The following IMPG2 variants were observed in gnomAD, a reference collection of about 807,000 sequenced individuals.
The protein encoded by IMPG2 is interphotoreceptor matrix proteoglycan 2, also known as IPM 200.
Under a neutral mutation model 129.2 loss-of-function variants are expected in IMPG2, and 91 were observed. The observed-to-expected ratio is 0.70, with a 90% CI of 0.59 to 0.84. IMPG2 has a LOEUF of 0.84. Ranked by LOEUF, IMPG2 falls within the 40% of genes least tolerant of loss-of-function variation. The pLI is 0.00. For missense variants in IMPG2, 1,430 were observed against 1,461.7 expected, an observed-to-expected ratio of 0.98 and a Z score of 0.35; for synonymous variants, 510 against 517.7, an observed-to-expected ratio of 0.99 and a Z score of 0.20.
chr3:101,297,048 G>T (rs536279587), intron 3 of IMPG2, among the ~76,000 whole-genome samples: 2 of 152,094 alleles, frequency 1.3e-5, no homozygotes, highest in African/African-American at 4.8e-5. Flanking sequence ...GACTACAGGC[G>T]CCAGGCGCCA....
At chr3:101,231,192 C>T (rs1464398663) in intron 15 of IMPG2, 47 bp from the exon 16 acceptor site, 10 of 1,567,462 alleles carry the variant, frequency 6.4e-6, no homozygotes, top group Non-Finnish European at 8.8e-6. Flanking sequence ...ACTCTGCTCA[C>T]ACTGACAATT....
At position 101,244,337 on chromosome 3, in the gene IMPG2, G is replaced by A; in HGVS notation, c.1994C>T (p.Ser665Leu). The change falls in exon 13 of 19, where the codon TCA (serine) becomes TTA (leucine). Residue 665 changes from serine (S) to leucine (L), a missense_variant. Ser to Leu is a moderately radical substitution (Grantham distance 145, BLOSUM62 -2). Coordinates refer to ENST00000193391, the MANE Select transcript of IMPG2 (RefSeq NM_016247.4). ...MDSTDQISKH[S>L]KYEHDDRSTH... ...GGATCTGTCATCATGTTCATATTTT[G>A]AGTGCTTACTAATTTGGTCTGTGGA... The A allele has an allele frequency of 6.2e-7, 1 of 1,613,822 alleles. No individual in the cohort carries two copies. The highest frequency in any genetic ancestry group is 1.1e-5 in the South Asian group (1 of 91,058).
At chr3:101,271,811 C>A (rs1706785577) in intron 7 of IMPG2, among the ~76,000 whole-genome samples, 1 of 152,150 alleles carries the variant, frequency 6.6e-6, no homozygotes, top group Non-Finnish European at 1.5e-5. Flanking sequence ...CAGTAGGAGA[C>A]CTGATTTTCA....
intron 16 of IMPG2, 110 bp from the exon 17 acceptor site, chr3:101,229,700 C>G (rs780452585): frequency 3.9e-5 from 35 of 904,264 alleles, no homozygotes; most frequent in Admixed American, 9.9e-5. Flanking sequence ...GCACTTTACA[C>G]AAATGGTGGG....
intron 11 of IMPG2, among the ~76,000 whole-genome samples, chr3:101,250,724 G>A (rs2107226851): frequency 6.6e-6 from 1 of 152,258 alleles, no homozygotes; most frequent in South Asian, 2.1e-4. Flanking sequence ...GGCAGTCCAT[G>A]CTCTCATTTG....
chr3:101,233,685 T>C (rs1403910931), intron 14 of IMPG2, among the ~76,000 whole-genome samples: 2 of 152,164 alleles, frequency 1.3e-5, no homozygotes, highest in Non-Finnish European at 2.9e-5. Context: ...AAAAAAGATA[T>C]GACATTGACC....
intron 3 of IMPG2, among the ~76,000 whole-genome samples, chr3:101,292,889 A>G (rs1365458149): frequency 4.6e-5 from 7 of 152,320 alleles, no homozygotes; most frequent in South Asian, 2.1e-4. Flanking sequence ...TTCTTTGCTC[A>G]TTCATAAGAA....
At chr3:101,289,949 GGAT>G (rs1245570513) in intron 4 of IMPG2, among the ~76,000 whole-genome samples, 1 of 150,414 alleles carries the variant, frequency 6.6e-6, no homozygotes, top group African/African-American at 2.5e-5. Context: ...GCAACTAGAT[GGAT>G]GATAATGCCA....
chr3:101,227,862 C>A (rs1427902678), intron 18 of IMPG2: 1 of 456,100 alleles, frequency 2.2e-6, no homozygotes, highest in African/African-American at 2.0e-5. Context: ...AAGGAGCCAC[C>A]TATCAGAGAA....
At chr3:101,285,885 T>G (rs748600321) in intron 4 of IMPG2, among the ~76,000 whole-genome samples, 4 of 152,206 alleles carry the variant, frequency 2.6e-5, no homozygotes, top group Non-Finnish European at 4.4e-5. Flanking sequence ...ATGTAAATTA[T>G]AGAAACCATT....
rs1456865477 is a variant in IMPG2 at position 101,224,613 on chromosome 3, C to G, written c.*2356G>C. On this transcript the variant is annotated 3_prime_UTR_variant, in exon 19 of 19. Coordinates refer to ENST00000193391, the MANE Select transcript of IMPG2 (RefSeq NM_016247.4). ...GTAGTTTTTTCCATCAAACTAATAGCTCCTTTAGTGCTTTGCTTTGTACAT... is the reference window on the plus strand; with the variant it reads ...GTAGTTTTTTCCATCAAACTAATAGGTCCTTTAGTGCTTTGCTTTGTACAT... 1 of 152,326 alleles carries G rather than the reference C, an allele frequency of 6.6e-6. No homozygotes were observed. The highest frequency in any genetic ancestry group is 1.9e-4 in the East Asian group (1 of 5,192). 9.4% of individuals were successfully genotyped at this position (152,326 alleles called of 1,614,324 possible).
intron 3 of IMPG2, among the ~76,000 whole-genome samples, chr3:101,293,823 A>T (rs2449823): frequency 0.72 from 109,263 of 152,110 alleles, 40,402 homozygotes; most frequent in East Asian, 0.84. Flanking sequence ...GATAGCTTCT[A>T]TTCTTAACTA....
chr3:101,275,505 C>T (rs1706830887), intron 6 of IMPG2, among the ~76,000 whole-genome samples, 158 bp downstream of exon 6: 3 of 152,186 alleles, frequency 2.0e-5, no homozygotes, highest in Non-Finnish European at 2.9e-5. Flanking sequence ...TCCAAGGAAT[C>T]TCAAAATTGT....
chr3:101,272,935 A>G (rs1706802733), intron 7 of IMPG2, among the ~76,000 whole-genome samples: 2 of 152,228 alleles, frequency 1.3e-5, no homozygotes, highest in Admixed American at 6.5e-5. Flanking sequence ...CTTACTGCAC[A>G]AAAGCAAAGG....
chr3:101,235,299 C>G (rs374050527), intron 14 of IMPG2, among the ~76,000 whole-genome samples: 1 of 152,278 alleles, frequency 6.6e-6, no homozygotes. Flanking sequence ...GCAACCCATC[C>G]CATGAGGCCA....
In IMPG2 at chr3:101,319,592, T is replaced by A; in HGVS notation, c.326A>T (p.Lys109Ile). The A allele has an allele frequency of 6.2e-7, 1 of 1,613,550 alleles. No homozygotes were observed. Among genetic ancestry groups the A allele is most frequent in the Non-Finnish European group, 8.5e-7 (1 of 1,179,716 alleles). The change falls in exon 2 of 19, where the codon AAA becomes ATA. Residue 109 changes from lysine to isoleucine, a missense_variant. Coordinates refer to ENST00000193391, the MANE Select transcript of IMPG2 (RefSeq NM_016247.4). ...TTTGGATGTTCGCTTACCTCGGACT[T>A]TAAAATACTTCACATGATTTGCCAC... is the stretch of plus-strand genomic sequence containing the variant. Reference protein sequence around the residue: ...EAVANHVKYFKVRVCQEAVWE... With the variant: ...EAVANHVKYFIVRVCQEAVWE...
chr3:101,242,500 G>C (rs753337403), intron 14 of IMPG2, among the ~76,000 whole-genome samples, 188 bp downstream of exon 14: 1 of 152,184 alleles, frequency 6.6e-6, no homozygotes, highest in Non-Finnish European at 1.5e-5. Flanking sequence ...ACGATGTTTT[G>C]AAAAGGGAAT....
At chr3:101,253,601 C>T in intron 11 of IMPG2, 95 bp downstream of exon 11, 1 of 829,960 alleles carries the variant, frequency 1.2e-6, no homozygotes, top group Non-Finnish European at 2.0e-6. Context: ...GAAATGAGAA[C>T]AGCTTGGGAA....
intron 4 of IMPG2, among the ~76,000 whole-genome samples, chr3:101,283,313 A>C (rs1420963925): frequency 6.6e-6 from 1 of 152,118 alleles, no homozygotes; most frequent in African/African-American, 2.4e-5. Context: ...GCGTTGAGCC[A>C]CCATGCCAGC....
Sources: allele counts gnomAD v4.1 joint callset (sites outside exome capture counted in the v4.1 genomes callset), GRCh38; gene constraint gnomAD v4.1.1; transcripts MANE v1.5; gene names NCBI Gene and HGNC (gene_info 2026-07-23, HGNC 2026-07-21).